The following ADAMTSL1 variants were observed in gnomAD, a reference collection of about 807,000 sequenced individuals.
ADAMTSL1 encodes the protein ADAMTS-like protein 1.
A neutral mutation model predicts 201.8 loss-of-function variants in ADAMTSL1; 126 were observed. The observed-to-expected ratio is 0.62, with a 90% CI of 0.54 to 0.72. The LOEUF (loss-of-function observed/expected upper bound fraction) is 0.72. Among genes scored for constraint, ADAMTSL1 ranks in the 30% least tolerant of loss-of-function variants. The probability of loss-of-function intolerance (pLI) is 0.00; values close to 1 mark genes in which losing one functional copy is unlikely to be tolerated. For synonymous variants in ADAMTSL1, 1,121 were observed against 903.4 expected (o/e 1.24, Z -4.32); for missense variants, 2,679 against 2,277.8 (o/e 1.18, Z -3.59).
intron 2 of ADAMTSL1, among the ~76,000 whole-genome samples, chr9:18,222,309 A>G (rs1735379781): frequency 6.6e-6 from 1 of 151,788 alleles, no homozygotes; most frequent in African/African-American, 2.4e-5. Flanking sequence ...TCATATTTTC[A>G]TAATTTCTAT....
At chr9:18,236,962 T>A (rs1294293220) in intron 2 of ADAMTSL1, among the ~76,000 whole-genome samples, 1 of 152,226 alleles carries the variant, frequency 6.6e-6, no homozygotes, top group Non-Finnish European at 1.5e-5. Flanking sequence ...ATATTTTATA[T>A]CAATGTAAGG....
chr9:18,293,723 G>A (rs1833363737), intron 2 of ADAMTSL1, among the ~76,000 whole-genome samples: 1 of 152,114 alleles, frequency 6.6e-6, no homozygotes, highest in Admixed American at 6.5e-5. Context: ...CATATAGGAA[G>A]GAAAATAACC....
chr9:18,069,107 C>T (rs1016375919), intron 1 of ADAMTSL1, among the ~76,000 whole-genome samples: 1 of 152,062 alleles, frequency 6.6e-6, no homozygotes, highest in Non-Finnish European at 1.5e-5. Context: ...TTACGTGACT[C>T]ACTGCTGACA....
At chr9:18,195,638 TC>T (rs1290029334) in intron 2 of ADAMTSL1, among the ~76,000 whole-genome samples, 1 of 152,154 alleles carries the variant, frequency 6.6e-6, no homozygotes, top group African/African-American at 2.4e-5. Context: ...GGCCTTATAA[TC>T]TGAAAAGAGC....
chr9:18,828,697 A>ATGTG (rs1229290689), intron 22 of ADAMTSL1, among the ~76,000 whole-genome samples: 7 of 42,526 alleles, frequency 1.6e-4, no homozygotes, highest in East Asian at 6.0e-4. Context: ...TATATATAAA[A>ATGTG]TGTGTGTGTG....
At chr9:18,362,776 T>C (rs7028195) in intron 2 of ADAMTSL1, among the ~76,000 whole-genome samples, 148,606 of 152,250 alleles carry the variant, frequency 0.98, 72,620 homozygotes, top group East Asian at 1. Flanking sequence ...GGTTATTAAC[T>C]GGAATACTGA....
intron 23 of ADAMTSL1, among the ~76,000 whole-genome samples, chr9:18,884,135 T>C (rs1428533081): frequency 2.6e-5 from 4 of 152,206 alleles, no homozygotes; most frequent in African/African-American, 4.8e-5. Flanking sequence ...TGGTAACTCA[T>C]GGTGGCTTTA....
intron 2 of ADAMTSL1, among the ~76,000 whole-genome samples, chr9:18,339,488 G>C (rs1373112268): frequency 2.0e-5 from 3 of 152,118 alleles, no homozygotes; most frequent in African/African-American, 7.2e-5. Flanking sequence ...CAAAGGGAAC[G>C]CTTATACATT....
intron 2 of ADAMTSL1, among the ~76,000 whole-genome samples, chr9:18,304,158 T>TC (rs1460913398): frequency 1.3e-5 from 2 of 152,150 alleles, no homozygotes; most frequent in Admixed American, 6.5e-5. Context: ...CTTTTTTTTT[T>TC]CTGTTACAGA....
intron 1 of ADAMTSL1, among the ~76,000 whole-genome samples, chr9:17,933,112 A>C (rs1826864631): frequency 6.6e-6 from 1 of 152,124 alleles, no homozygotes; most frequent in African/African-American, 2.4e-5. Context: ...AACAAGAAAA[A>C]ATTATTTTCA....
chr9:18,196,024 T>A (rs1217693825), intron 2 of ADAMTSL1, among the ~76,000 whole-genome samples: 1 of 152,150 alleles, frequency 6.6e-6, no homozygotes, highest in Non-Finnish European at 1.5e-5. Context: ...CTGTTAGGAC[T>A]GGTCAAATAA....
At chr9:18,812,515 C>G (rs1489517341) in intron 20 of ADAMTSL1, among the ~76,000 whole-genome samples, 1 of 152,094 alleles carries the variant, frequency 6.6e-6, no homozygotes, top group African/African-American at 2.4e-5. Context: ...TCATCAGGAC[C>G]TAGATCTAAG....
At chr9:18,906,049 G>A (rs1830292824) in intron 27 of ADAMTSL1, among the ~76,000 whole-genome samples, 158 bp downstream of exon 27, 1 of 152,192 alleles carries the variant, frequency 6.6e-6, no homozygotes, top group Admixed American at 6.5e-5. Context: ...CTCCCCAGAG[G>A]CAGATGACTC....
chr9:18,332,007 G>A (rs1380539967), intron 2 of ADAMTSL1, among the ~76,000 whole-genome samples: 1 of 152,110 alleles, frequency 6.6e-6, no homozygotes, highest in Non-Finnish European at 1.5e-5. Context: ...AAATATTGAT[G>A]TGAAACTTGA....
intron 1 of ADAMTSL1, among the ~76,000 whole-genome samples, chr9:18,110,204 A>T (rs889538678): frequency 1.3e-5 from 2 of 152,126 alleles, no homozygotes; most frequent in Non-Finnish European, 2.9e-5. Flanking sequence ...TTGTGCAGCC[A>T]TTGGTTGGTC....
At chr9:18,087,821 A>C (rs1823832873) in intron 1 of ADAMTSL1, among the ~76,000 whole-genome samples, 1 of 152,160 alleles carries the variant, frequency 6.6e-6, no homozygotes, top group African/African-American at 2.4e-5. Flanking sequence ...GTCTTTTGCA[A>C]TTAAAAGTTG....
chr9:18,513,238 C>G (rs1818141261), intron 2 of ADAMTSL1, among the ~76,000 whole-genome samples: 1 of 152,092 alleles, frequency 6.6e-6, no homozygotes, highest in Non-Finnish European at 1.5e-5. Context: ...CAGTGCTGTG[C>G]AGCAGATCTC....
intron 15 of ADAMTSL1, among the ~76,000 whole-genome samples, chr9:18,741,555 T>C (rs1818827864): frequency 6.6e-6 from 1 of 152,166 alleles, no homozygotes; most frequent in South Asian, 2.1e-4. Context: ...AAGAACTAAC[T>C]CAAGGGAGTG....
chr9:18,275,510 C>T (rs776655666), intron 2 of ADAMTSL1, among the ~76,000 whole-genome samples: 1 of 152,146 alleles, frequency 6.6e-6, no homozygotes, highest in Admixed American at 6.5e-5. Flanking sequence ...CCAGTCATTG[C>T]CCATCCCTAA....
Sources: allele counts gnomAD v4.1 joint callset (sites outside exome capture counted in the v4.1 genomes callset), GRCh38; gene constraint gnomAD v4.1.1; transcripts MANE v1.5; gene names NCBI Gene and HGNC (gene_info 2026-07-23, HGNC 2026-07-21).